Variants in PKHD1L1 observed in about 807,000 individuals in gnomAD.
The protein encoded by PKHD1L1 is fibrocystin-L.
In PKHD1L1, 434 loss-of-function variants were observed where a neutral mutation model predicts 462.9. That is an observed-to-expected ratio of 0.94 (90% CI 0.87 to 1.02). The LOEUF (loss-of-function observed/expected upper bound fraction) is 1.02. Ranked by LOEUF, PKHD1L1 falls within the 50% of genes least tolerant of loss-of-function variation. The pLI is 0.00. For synonymous variants in PKHD1L1, 1,781 were observed against 1,750.0 expected, an observed-to-expected ratio of 1.02 and a Z score of -0.44; for missense variants, 5,202 against 5,096.1, an observed-to-expected ratio of 1.02 and a Z score of -0.63.
intron 1 of PKHD1L1, among the ~76,000 whole-genome samples, chr8:109,363,164 A>G (rs1008685755): frequency 5.3e-5 from 8 of 152,136 alleles, no homozygotes; most frequent in Admixed American, 2.6e-4. Context: ...CTGGGAAGAG[A>G]CTGATAAGAT....
chr8:109,458,611 T>G (rs1160607610), intron 46 of PKHD1L1, among the ~76,000 whole-genome samples: 1 of 152,024 alleles, frequency 6.6e-6, no homozygotes, highest in African/African-American at 2.4e-5. Context: ...AGAAGTAGGG[T>G]TGGGAAAGTT....
At chr8:109,471,864 A>G (rs1300155643) in intron 50 of PKHD1L1, among the ~76,000 whole-genome samples, 9 of 152,180 alleles carry the variant, frequency 5.9e-5, no homozygotes, top group Non-Finnish European at 1.3e-4. Flanking sequence ...TTGCAAATAC[A>G]CTTTTTCCAT....
chr8:109,453,144 G>A (rs1291527461), intron 43 of PKHD1L1, among the ~76,000 whole-genome samples: 2 of 152,100 alleles, frequency 1.3e-5, no homozygotes, highest in Non-Finnish European at 2.9e-5. Context: ...AAAGCTAAAT[G>A]TTGTTTTATG....
intron 21 of PKHD1L1, among the ~76,000 whole-genome samples, chr8:109,414,960 A>ACATCAT (rs547128456): frequency 8.2e-6 from 1 of 122,378 alleles, no homozygotes; most frequent in South Asian, 2.7e-4. Flanking sequence ...CATCATCCCA[A>ACATCAT]CATTATTATT....
rs747955869 is a variant in PKHD1L1, at chr8:109,465,043, T to C, written c.8211T>C (p.Thr2737=). 3.1e-6 allele frequency: 5 copies of C among 1,613,720 alleles called. No homozygotes were observed. The highest frequency in any genetic ancestry group is 4.2e-6 in the Non-Finnish European group (5 of 1,179,808). ...TTCTCCCATTTAGTGAAGGCTTGAC[T>C]GTCTCTTCTGTGCACTTTATGAACT... ...GLVLPFSEGL[T]VSSVHFMNFD... is the part of the protein sequence containing the mutation. Residue 2737 remains threonine (T), a synonymous_variant, in exon 49 of 78, where the codon ACT becomes ACC. Transcript: ENST00000378402.
chr8:109,475,063 G>A, intron 50 of PKHD1L1, 55 bp from the exon 51 acceptor site: 1 of 1,456,700 alleles, frequency 6.9e-7, no homozygotes, highest in Non-Finnish European at 9.2e-7. Flanking sequence ...ACAAAAGGAG[G>A]AGTTTATTAG....
intron 49 of PKHD1L1, 89 bp from the exon 50 acceptor site, chr8:109,466,489 T>C: frequency 7.8e-7 from 1 of 1,278,280 alleles, no homozygotes; most frequent in Non-Finnish European, 1.1e-6. Context: ...GTATTAGTGG[T>C]ACTATGGGTC....
At chr8:109,498,418 A>C in intron 65 of PKHD1L1, 44 bp from the exon 66 acceptor site, 31 of 1,416,382 alleles carry the variant, frequency 2.2e-5, no homozygotes, top group Middle Eastern at 2.3e-4. Context: ...TCTTTTAGTA[A>C]GAGCTATTAT....
chr8:109,520,646 G>A (rs17449089), intron 73 of PKHD1L1, among the ~76,000 whole-genome samples: 4,402 of 152,226 alleles, frequency 0.029, 92 homozygotes, highest in Non-Finnish European at 0.04. Context: ...AAAATGTTGA[G>A]AAGTGGCAAG....
At position 109,364,645 on chromosome 8, in the gene PKHD1L1, GCT is replaced by G; in HGVS notation, c.163+10_163+11del. On this transcript the variant is annotated intron_variant, in intron 2 of 77. Transcript: ENST00000378402. ...GACTATAAGAGGGGAAGGTATCGTT[GCT>G]TTTTTTTTTTTTTTTTTGCCAAGGT... 2 of 1,201,092 alleles carry G rather than the reference GCT, an allele frequency of 1.7e-6. No individual in the cohort carries two copies. The highest frequency in any genetic ancestry group is 2.2e-6 in the Non-Finnish European group (2 of 914,122). 74.4% of individuals were successfully genotyped at this position (1,201,092 alleles called of 1,614,324 possible).
chr8:109,371,996 T>C (rs1437370638), intron 2 of PKHD1L1, among the ~76,000 whole-genome samples: 1 of 152,168 alleles, frequency 6.6e-6, no homozygotes, highest in Non-Finnish European at 1.5e-5. Context: ...GGCTCTTTTT[T>C]GGTTCCATAT....
chr8:109,535,275 TGGTTTTTC>T lies in PKHD1L1; in HGVS notation c.*5186_*5193del, dbSNP rs2131075059. ...GCTACATGGCAATAGTATTTTCCTT[TGGTTTTTC>T]ATTACAGTAACTTATGCATTTAGGC... On this transcript the variant is annotated 3_prime_UTR_variant, in exon 78 of 78. Transcript: ENST00000378402. Among the ~76,000 whole-genome samples the T allele has an allele frequency of 6.6e-6, 1 of 152,300 alleles. No individual in the cohort carries two copies. The highest frequency in any genetic ancestry group is 1.5e-5 in the Non-Finnish European group (1 of 68,014).
At chr8:109,504,166 C>T (rs112267458) in intron 67 of PKHD1L1, among the ~76,000 whole-genome samples, 161 bp from the exon 68 acceptor site, 3,011 of 152,240 alleles carry the variant, frequency 0.02, 88 homozygotes, top group African/African-American at 0.061. Flanking sequence ...TATTGGGAGG[C>T]AACAGGCTAC....
At chr8:109,411,429 G>GA (rs561994111) in intron 19 of PKHD1L1, among the ~76,000 whole-genome samples, 195 of 152,212 alleles carry the variant, frequency 1.3e-3, no homozygotes, top group African/African-American at 4.5e-3. Context: ...AGATTAGTGA[G>GA]AAAAAATCTT....
intron 24 of PKHD1L1, among the ~76,000 whole-genome samples, chr8:109,426,275 AT>A (rs1814743769): frequency 2.6e-5 from 4 of 152,192 alleles, no homozygotes; most frequent in East Asian, 3.9e-4. Context: ...AAATAAAAGT[AT>A]TTCTATATTA....
At chr8:109,411,228 A>G (rs1380542255) in intron 19 of PKHD1L1, among the ~76,000 whole-genome samples, 1 of 152,132 alleles carries the variant, frequency 6.6e-6, no homozygotes, top group African/African-American at 2.4e-5. Flanking sequence ...TTTAATATAG[A>G]GTAAAGGAAG....
intron 29 of PKHD1L1, among the ~76,000 whole-genome samples, 159 bp from the exon 30 acceptor site, chr8:109,436,179 T>C (rs1029901903): frequency 6.6e-6 from 1 of 152,226 alleles, no homozygotes; most frequent in Non-Finnish European, 1.5e-5. Context: ...GTGGTGGGGA[T>C]TGCATTCATC....
chr8:109,388,485 A>C lies in PKHD1L1; in HGVS notation c.570-12A>C. 1 of 1,493,030 alleles carries C rather than the reference A, an allele frequency of 6.7e-7. No individual in the cohort carries two copies. The highest frequency in any genetic ancestry group is 9.1e-7 in the Non-Finnish European group (1 of 1,096,486). The allele number at this position is 1,493,030 out of a possible 1,614,324, so 92.5% of individuals were successfully genotyped here. A position where few individuals can be genotyped will look rare whatever the true frequency, so the allele number is the denominator to read the frequency against. On this transcript the variant is annotated splice_polypyrimidine_tract_variant and intron_variant, in intron 6 of 77. Transcript: ENST00000378402. ...CATAACTTGATTTTTTCTAATAAAAATATTTGTACAGAGTTTACATTGGAG... is the reference window on the plus strand; with the variant it reads ...CATAACTTGATTTTTTCTAATAAAACTATTTGTACAGAGTTTACATTGGAG...
intron 7 of PKHD1L1, 133 bp downstream of exon 7, chr8:109,388,683 A>C (rs1476265375): frequency 4.4e-5 from 29 of 662,844 alleles, no homozygotes; most frequent in Non-Finnish European, 5.6e-5. Flanking sequence ...TATTCCACAT[A>C]GCGCATTAGC....
Sources: gnomAD v4.1 joint callset for allele counts (sites outside exome capture counted in the v4.1 genomes callset) on GRCh38, gnomAD v4.1.1 for gene constraint, MANE v1.5 for transcripts, NCBI Gene and HGNC (gene_info 2026-07-23, HGNC 2026-07-21) for gene names.